Variants in KRT13 observed in about 807,000 individuals in gnomAD.
KRT13 encodes the protein keratin 13, also known as keratin, type I cytoskeletal 13.
KRT13 carries 27 observed loss-of-function variants against 40.6 expected under a neutral mutation model. The ratio of observed to expected loss-of-function variants is 0.67; its 90% CI spans 0.49 to 0.92. The LOEUF (loss-of-function observed/expected upper bound fraction) is 0.92, where lower values mean the gene tolerates loss of function less well. KRT13 is among the 40% of genes least tolerant of loss of function. The pLI is 0.00. For missense variants in KRT13, 605 were observed against 611.5 expected (o/e 0.99, Z 0.11); for synonymous variants, 266 against 240.3 (o/e 1.11, Z -0.99).
At chr17:41,502,171 T>C in intron 6 of KRT13, 1 of 1,476,814 alleles carries the variant, frequency 6.8e-7, no homozygotes, top group Non-Finnish European at 9.0e-7. Context: ...ATGGTCTCTG[T>C]TCCCTCCAGT....
chr17:41,505,307 C>G lies in KRT13; in HGVS notation c.244G>C (p.Gly82Arg). The G allele has an allele frequency of 6.2e-7, 1 of 1,614,098 alleles. No individual in the cohort carries two copies. Among genetic ancestry groups the G allele is most frequent in the Non-Finnish European group, 8.5e-7 (1 of 1,179,990 alleles). The part of the protein sequence containing the change: ...GYGGGLGGGF[G>R]GGFAGGFVDF... ...ACAAAGCCACCAGCAAAACCCCCAC[C>G]AAAGCCACCTCCAAGGCCACCTCCA... The change falls in exon 1 of 8, where the codon GGT (glycine) becomes CGT (arginine). Residue 82 changes from glycine (G) to arginine (R), a missense_variant. Physicochemically the swap from Gly to Arg is moderately radical, Grantham distance 125. Coordinates refer to ENST00000246635, the MANE Select transcript of KRT13 (RefSeq NM_153490.3).
At chr17:41,502,845 A>G (rs1393430111) in intron 4 of KRT13, 33 bp from the exon 5 acceptor site, 1 of 1,614,118 alleles carries the variant, frequency 6.2e-7, no homozygotes, top group African/African-American at 1.3e-5. Flanking sequence ...GTGGTGGGGA[A>G]GCTCAGCTCG....
rs2144504462 is a variant in KRT13 at position 41,502,971 on chromosome 17, T to G, written c.863A>C (p.Asn288Thr). The G allele has an allele frequency of 6.2e-7, 1 of 1,614,130 alleles. No individual in the cohort carries two copies. The highest frequency in any genetic ancestry group is 8.5e-7 in the Non-Finnish European group (1 of 1,180,022). Residue 288 changes from asparagine to threonine, a missense_variant, in exon 4 of 8, where the codon AAC becomes ACC. Physicochemically the swap from Asn to Thr is moderately conservative, Grantham distance 65. Coordinates refer to ENST00000246635, the MANE Select transcript of KRT13 (RefSeq NM_153490.3). Reference sequence around the variant, plus strand: ...GAACCATTCCTCAGCATCCCGGCGGTTCCTCTCTGCCATGGCCTCGTACTG... The same window carrying G: ...GAACCATTCCTCAGCATCCCGGCGGGTCCTCTCTGCCATGGCCTCGTACTG... ...REQYEAMAER[N>T]RRDAEEWFHT...
rs577900764 is a variant in KRT13, at chr17:41,502,637, A to G, written c.1024-43T>C. Reference sequence around the variant, plus strand: ...AAGAAGTTACAGAGGGAGCCAGGCCAGAGGGAAACCTAGAGGTGGTCGCCA... The same window carrying G: ...AAGAAGTTACAGAGGGAGCCAGGCCGGAGGGAAACCTAGAGGTGGTCGCCA... On this transcript the variant is annotated intron_variant, in intron 5 of 7. Transcript: ENST00000246635. 9 of 1,613,162 alleles carry G rather than the reference A, an allele frequency of 5.6e-6. No individual in the cohort carries two copies. The East Asian group carries it at 1.8e-4, about 32-fold the overall frequency.
rs762086095 is a variant in KRT13 at position 41,505,339 on chromosome 17, C to A, written c.212G>T (p.Gly71Val). ...ACCTCCAAGGCCACCTCCATAGCCA[C>A]CTCCAAGGCCACCTCCATAGCCACC... The part of the protein sequence containing the change: ...FGGGYGGGLG[G>V]GYGGGLGGGF... The change falls in exon 1 of 8, where the codon GGT (glycine) becomes GTT (valine). Residue 71 changes from glycine to valine, a missense_variant. Transcript: ENST00000246635. 1.2e-6 allele frequency: 2 copies of A among 1,613,814 alleles called. No individual in the cohort carries two copies. The highest frequency in any genetic ancestry group is 2.7e-5 in the African/African-American group (2 of 74,944).
At chr17:41,502,314 G>A (rs1904878109) in intron 6 of KRT13, 60 bp downstream of exon 6, 2 of 1,612,624 alleles carry the variant, frequency 1.2e-6, no homozygotes, top group Non-Finnish European at 8.5e-7. Flanking sequence ...GGCCCTGCCT[G>A]CTCTGACACC....
In KRT13 at chr17:41,502,973, C is replaced by A. The variant is rs1482595006; in HGVS notation, c.861G>T (p.Arg287Ser). 1.9e-6 allele frequency: 3 copies of A among 1,614,196 alleles called. No individual in the cohort carries two copies. The highest frequency in any genetic ancestry group is 2.5e-6 in the Non-Finnish European group (3 of 1,180,042). The stretch of plus-strand genomic sequence containing the variant: ...ACCATTCCTCAGCATCCCGGCGGTT[C>A]CTCTCTGCCATGGCCTCGTACTGCT... ...MREQYEAMAE[R>S]NRRDAEEWFH... is the part of the protein sequence containing the mutation. Residue 287 changes from arginine to serine, a missense_variant, in exon 4 of 8, where the codon AGG (arginine) becomes AGT (serine). Coordinates refer to ENST00000246635, the MANE Select transcript of KRT13 (RefSeq NM_153490.3).
Position 41,502,574 on chromosome 17 carries a change from C to A in KRT13, c.1044G>T (p.Thr348=). 1 of 1,613,738 alleles carries A rather than the reference C, an allele frequency of 6.2e-7. No individual in the cohort carries two copies. Among genetic ancestry groups the A allele is most frequent in the Non-Finnish European group, 8.5e-7 (1 of 1,180,034 alleles). ...CATAGCGGCACTCCGTCTCTGCCACCGTGTTCTCCAGCCCCGCTTTCTGGT... is the reference window on the plus strand; with the variant it reads ...CATAGCGGCACTCCGTCTCTGCCACAGTGTTCTCCAGCCCCGCTTTCTGGT... ...QLSMKAGLEN[T]VAETECRYAL... The change falls in exon 6 of 8, where the codon ACG becomes ACT. Residue 348 remains threonine (T), a synonymous_variant. Transcript: ENST00000246635.
At chr17:41,503,189 C>T in intron 3 of KRT13, 91 bp from the exon 4 acceptor site, 1 of 1,604,942 alleles carries the variant, frequency 6.2e-7, no homozygotes, top group East Asian at 2.2e-5. Context: ...AGAGTGTTTC[C>T]AGGTCCCACA....
chr17:41,502,930 C>A lies in KRT13; in HGVS notation c.897+7G>T, dbSNP rs1904916947. 2 of 1,614,082 alleles carry A rather than the reference C, an allele frequency of 1.2e-6. No individual in the cohort carries two copies. The highest frequency in any genetic ancestry group is 1.7e-6 in the Non-Finnish European group (2 of 1,179,992). On this transcript the variant is annotated splice_region_variant and intron_variant, in intron 4 of 7. Coordinates refer to ENST00000246635, the MANE Select transcript of KRT13 (RefSeq NM_153490.3). ...GATGGGCTATGTGGGGTGGGAGGGCCGGGTACCTTGGTGTGGAACCATTCC... is the reference window on the plus strand; with the variant it reads ...GATGGGCTATGTGGGGTGGGAGGGCAGGGTACCTTGGTGTGGAACCATTCC...
Position 41,503,420 on chromosome 17 carries a change from C to A in KRT13, c.602G>T (p.Arg201Leu), listed in dbSNP as rs781291691. 1 of 1,614,206 alleles carries A rather than the reference C, an allele frequency of 6.2e-7. No homozygotes were observed. Among genetic ancestry groups the A allele is most frequent in the Non-Finnish European group, 8.5e-7 (1 of 1,180,040 alleles). The change falls in exon 3 of 8, where the codon CGC becomes CTC. Residue 201 changes from arginine (R) to leucine (L), a missense_variant. Transcript: ENST00000246635. ...RLKYENELAL[R>L]QSVEADINGL... ...GTTGATGTCGGCCTCCACGCTCTGG[C>A]GCAGGGCCAGCTCATTCTCATACCT... is the stretch of plus-strand genomic sequence containing the variant.
Position 41,502,604 on chromosome 17 carries a change from C to A in KRT13, c.1024-10G>T. The A allele has an allele frequency of 6.2e-7, 1 of 1,613,262 alleles. No individual in the cohort carries two copies. ...TCTCCAGCCCCGCTTTCTGGTGGAG[C>A]GACAGACAAGAAGTTACAGAGGGAG... On this transcript the variant is annotated splice_polypyrimidine_tract_variant and intron_variant, in intron 5 of 7. Coordinates refer to ENST00000246635, the MANE Select transcript of KRT13 (RefSeq NM_153490.3).
rs566296163 is a variant in KRT13, at chr17:41,501,730, G to A, written c.1259C>T (p.Pro420Leu). The A allele has an allele frequency of 1.9e-5, 31 of 1,592,590 alleles. No individual in the cohort carries two copies. In the African/African-American group the frequency reaches 4.0e-4, roughly 21 times the overall value. Residue 420 changes from proline to leucine, a missense_variant, in exon 7 of 8, where the codon CCT (proline) becomes CTT (leucine). Physicochemically the swap from Pro to Leu is moderately conservative, Grantham distance 98. Transcript: ENST00000246635. ...EGQDAKMIGF[P>L]SSAGSVSPRS... is the part of the protein sequence containing the mutation. Reference sequence around the variant, plus strand: ...GGCTGTTCCCTTACCTGCTGAGGAAGGGAAACCAATCATCCTGGGAGAGAG... The same window carrying A: ...GGCTGTTCCCTTACCTGCTGAGGAAAGGAAACCAATCATCCTGGGAGAGAG...
intron 6 of KRT13, chr17:41,502,003 G>C (rs1364396928): frequency 7.0e-7 from 1 of 1,422,618 alleles, no homozygotes; most frequent in Admixed American, 2.8e-5. Context: ...CTTCCCTCTG[G>C]ATCGCCCAAA....
In KRT13 at chr17:41,505,360, C is replaced by A. The variant is rs754317054; in HGVS notation, c.191G>T (p.Gly64Val). The part of the protein sequence containing the change: ...GGGAGSGFGG[G>V]YGGGLGGGYG... ...GCCACCTCCAAGGCCACCTCCATAG[C>A]CACCTCCAAAGCCACTACCAGCCCC... The change falls in exon 1 of 8, where the codon GGC (glycine) becomes GTC (valine). Residue 64 changes from glycine to valine, a missense_variant. By Grantham distance (109) the Gly-to-Val change is moderately radical. Coordinates refer to ENST00000246635, the MANE Select transcript of KRT13 (RefSeq NM_153490.3). 1 of 1,613,912 alleles carries A rather than the reference C, an allele frequency of 6.2e-7. No individual in the cohort carries two copies. Among genetic ancestry groups the A allele is most frequent in the South Asian group, 1.1e-5 (1 of 91,076 alleles).
In KRT13 at chr17:41,505,106, C is replaced by T. The variant is rs1905012017; in HGVS notation, c.445G>A (p.Glu149Lys). 1.9e-6 allele frequency: 3 copies of T among 1,614,200 alleles called. No homozygotes were observed. Among genetic ancestry groups the T allele is most frequent in the Non-Finnish European group, 2.5e-6 (3 of 1,180,034 alleles). ...TTGTAGTAGGGGCTGTAGTCCCGCTCAGGGCTAGCTGGGCTCTGCTTCAGG... is the reference window on the plus strand; with the variant it reads ...TTGTAGTAGGGGCTGTAGTCCCGCTTAGGGCTAGCTGGGCTCTGCTTCAGG... ...WHLKQSPASP[E>K]RDYSPYYKTI... Residue 149 changes from glutamate to lysine, a missense_variant, in exon 1 of 8, where the codon GAG becomes AAG. Coordinates refer to ENST00000246635, the MANE Select transcript of KRT13 (RefSeq NM_153490.3).
At chr17:41,503,591 TA>T (rs1904947176) in intron 2 of KRT13, 51 bp downstream of exon 2, 5 of 1,580,166 alleles carry the variant, frequency 3.2e-6, no homozygotes, top group African/African-American at 1.3e-5. Context: ...AGCTTTTGTC[TA>T]AACTAAGAGA....
At position 41,502,412 on chromosome 17, in the gene KRT13, G is replaced by T. The variant is rs751138953; in HGVS notation, c.1206C>A (p.Ile402=). 6.8e-6 allele frequency: 11 copies of T among 1,614,116 alleles called. No individual in the cohort carries two copies. The South Asian group carries it at 7.7e-5, about 11-fold the overall frequency. The part of the protein sequence containing the change: ...LDIKTRLEQE[I]ATYRSLLEGQ... The stretch of plus-strand genomic sequence containing the variant: ...CCTCGAGCAGGCTGCGGTAGGTGGC[G>T]ATCTCCTGCTCCAGACGTGTCTTGA... The change falls in exon 6 of 8, where the codon ATC becomes ATA. Residue 402 remains isoleucine (I), a synonymous_variant. Transcript: ENST00000246635.
chr17:41,505,434 C>A lies in KRT13; in HGVS notation c.117G>T (p.Gly39=), dbSNP rs1280428545. The A allele has an allele frequency of 6.2e-7, 1 of 1,613,650 alleles. No homozygotes were observed. Among genetic ancestry groups the A allele is most frequent in the African/African-American group, 1.3e-5 (1 of 74,930 alleles). ...CGCCTCCATAGCCCCCAGCTGATCC[C>A]CCGGACACAAACCGAGTTGAACAGG... is the stretch of plus-strand genomic sequence containing the variant. ...VSTCSTRFVS[G]GSAGGYGGGV... Residue 39 remains glycine (G), a synonymous_variant, in exon 1 of 8, where the codon GGG becomes GGT. Coordinates refer to ENST00000246635, the MANE Select transcript of KRT13 (RefSeq NM_153490.3).
Sources: allele counts gnomAD v4.1 joint callset, GRCh38; gene constraint gnomAD v4.1.1; transcripts MANE v1.5; gene names NCBI Gene and HGNC (gene_info 2026-07-23, HGNC 2026-07-21).